Variants in NRK observed in about 807,000 individuals in gnomAD.
The protein encoded by NRK is nik-related protein kinase.
Under a neutral mutation model 125.2 loss-of-function variants are expected in NRK, and 67 were observed. The observed-to-expected ratio is 0.54, with a 90% confidence interval of 0.44 to 0.66. NRK has a LOEUF of 0.66. NRK is among the 30% of genes least tolerant of loss of function. NRK has a pLI of 0.00. For synonymous variants in NRK, 458 were observed against 429.0 expected (o/e 1.07, Z -0.84); for missense variants, 1,224 against 1,192.9 (o/e 1.03, Z -0.38).
intron 18 of NRK, among the ~76,000 whole-genome samples, chrX:105,923,878 T>C (rs1218569347): frequency 2.4e-5 from 2 of 82,661 alleles, no homozygotes; most frequent in Admixed American, 3.0e-4. Flanking sequence ...TTTCTCAAAC[T>C]TTTGTGATAT....
Position 105,822,641 on chromosome X carries a change from G to C in NRK, c.-205G>C. 1 of 461,659 alleles carries C rather than the reference G, an allele frequency of 2.2e-6. No individual in the cohort carries two copies. 38.0% of individuals were successfully genotyped at this position (461,659 alleles called of 1,213,427 possible). A position where few individuals can be genotyped will look rare whatever the true frequency, so the allele number is the denominator to read the frequency against. On this transcript the variant is annotated 5_prime_UTR_variant, in exon 1 of 29. Transcript: ENST00000243300. ...TTAGCCCAACTTGCTTTCCCGCCTC[G>C]CAAACTCCGGTTTCCCTCCACTCCC... is the stretch of plus-strand genomic sequence containing the variant.
chrX:105,946,067 T>C, intron 25 of NRK, 52 bp downstream of exon 25: 2 of 1,099,834 alleles, frequency 1.8e-6, no homozygotes, highest in South Asian at 2.0e-5. Flanking sequence ...AAGGCTCTTA[T>C]GATCATTGCC....
chrX:105,831,179 G>A (rs2039186946), intron 2 of NRK, 60 bp downstream of exon 2: 1 of 715,492 alleles, frequency 1.4e-6, no homozygotes, highest in African/African-American at 2.1e-5. Context: ...AAGATTGTGA[G>A]TCAGACACTG....
At chrX:105,873,949 A>G (rs1045529539) in intron 2 of NRK, among the ~76,000 whole-genome samples, 3 of 112,335 alleles carry the variant, frequency 2.7e-5, no homozygotes, top group Non-Finnish European at 5.6e-5. Flanking sequence ...AAGGACTTTT[A>G]TGTTTCACCT....
intron 7 of NRK, among the ~76,000 whole-genome samples, chrX:105,896,883 A>C (rs1317068045): frequency 8.9e-6 from 1 of 111,861 alleles, no homozygotes; most frequent in African/African-American, 3.3e-5. Context: ...TAAAAAATAC[A>C]TGAAGGGCAT....
At chrX:105,950,578 G>GGA (rs749205930) in intron 27 of NRK, among the ~76,000 whole-genome samples, 4 of 89,876 alleles carry the variant, frequency 4.5e-5, no homozygotes, top group African/African-American at 1.2e-4. Context: ...GTGTGTGTGT[G>GGA]GAGAGAGAGA....
At chrX:105,885,894 C>T (rs1437184178) in intron 4 of NRK, among the ~76,000 whole-genome samples, 1 of 111,899 alleles carries the variant, frequency 8.9e-6, no homozygotes, top group East Asian at 2.8e-4. Context: ...GTCCCACTAA[C>T]ATTCCATGAA....
chrX:105,838,236 A>AT (rs1231039630), intron 2 of NRK, among the ~76,000 whole-genome samples: 7 of 111,558 alleles, frequency 6.3e-5, no homozygotes. Context: ...AAATAAAATT[A>AT]TTTTTAACAT....
In NRK at chrX:105,930,263, T is replaced by C. The variant is rs1046177379; in HGVS notation, c.3313-3995T>C. Among the ~76,000 whole-genome samples, 3 of 111,104 alleles carry C rather than the reference T, an allele frequency of 2.7e-5. No individual in the cohort carries two copies. The Admixed American group carries it at 2.9e-4, about 11-fold the overall frequency. On this transcript the variant is annotated intron_variant, in intron 19 of 28. Transcript: ENST00000243300. ...TTCTATAGGCTCTCTTTATTCTTTT[T>C]TTTTCTCTTTTTTCTTTTCTGCCTG...
At chrX:105,936,757 T>C (rs1408668949) in intron 21 of NRK, among the ~76,000 whole-genome samples, 2 of 111,644 alleles carry the variant, frequency 1.8e-5, no homozygotes, top group African/African-American at 3.3e-5. Context: ...ACAGTGCTTA[T>C]ATTTGAACAA....
At chrX:105,857,402 A>G (rs987960733) in intron 2 of NRK, among the ~76,000 whole-genome samples, 2 of 111,488 alleles carry the variant, frequency 1.8e-5, no homozygotes, top group Non-Finnish European at 3.8e-5. Flanking sequence ...CATTGCTGAG[A>G]TCGAGGTGAG....
chrX:105,952,241 C>G (rs1182716228), intron 27 of NRK, among the ~76,000 whole-genome samples: 1 of 111,571 alleles, frequency 9.0e-6, no homozygotes, highest in Non-Finnish European at 1.9e-5. Flanking sequence ...TTTTAAATGT[C>G]AGGATTTTAT....
At chrX:105,907,391 A>G (rs979252462) in intron 11 of NRK, 1 of 112,098 alleles carries the variant, frequency 8.9e-6, no homozygotes, top group Non-Finnish European at 1.9e-5. Context: ...GGAATGTAAA[A>G]GGGAAAACTT....
chrX:105,875,304 C>T (rs2039799665), intron 2 of NRK, among the ~76,000 whole-genome samples: 1 of 111,463 alleles, frequency 9.0e-6, no homozygotes, highest in South Asian at 3.7e-4. Flanking sequence ...GGTTTCCCTG[C>T]TCTCCATTCC....
At chrX:105,898,197 A>C (rs1257362791) in intron 7 of NRK, among the ~76,000 whole-genome samples, 1 of 112,103 alleles carries the variant, frequency 8.9e-6, no homozygotes, top group Non-Finnish European at 1.9e-5. Flanking sequence ...CTTCCTGATC[A>C]ACTGCTAATA....
Position 105,939,896 on chromosome X carries a change from G to A in NRK, c.3822G>A (p.Val1274=). 1 of 1,183,198 alleles carries A rather than the reference G, an allele frequency of 8.5e-7. No individual in the cohort carries two copies. The highest frequency in any genetic ancestry group is 1.1e-6 in the Non-Finnish European group (1 of 871,974). ...CAGGTCATAAGAACAGACTTCGGGT[G>A]TATCATCTGACCTGGTTGAGGAACA... ...TISGHKNRLR[V]YHLTWLRNKI... Residue 1274 remains valine, a synonymous_variant, in exon 23 of 29, where the codon GTG becomes GTA. Transcript: ENST00000243300.
At position 105,914,714 on chromosome X, in the gene NRK, G is replaced by A. The variant is rs209093; in HGVS notation, c.2350-1016G>A. On this transcript the variant is annotated intron_variant, in intron 14 of 28. Coordinates refer to ENST00000243300, the MANE Select transcript of NRK (RefSeq NM_198465.4). ...ACTTACCCTCACCTACTTGTCTCTC[G>A]GAGTGTAGAGAGAGCCTTGATAAGC... Among the ~76,000 whole-genome samples the A allele has an allele frequency of 3.5e-3, 374 of 107,914 alleles. 1 individual carries two copies. Among genetic ancestry groups the A allele is most frequent in the African/African-American group, 0.012 (346 of 29,762 alleles). The allele number at this position is 107,914 out of a possible 115,157, so 93.7% of individuals were successfully genotyped here.
intron 13 of NRK, among the ~76,000 whole-genome samples, chrX:105,911,372 C>A (rs1332804084): frequency 9.0e-6 from 1 of 111,506 alleles, no homozygotes; most frequent in Non-Finnish European, 1.9e-5. Context: ...TTCTAATACT[C>A]CCCACATCCA....
chrX:105,905,148 C>T (rs1461219808), intron 9 of NRK, 117 bp from the exon 10 acceptor site: 1 of 511,682 alleles, frequency 2.0e-6, no homozygotes, highest in Non-Finnish European at 3.4e-6. Flanking sequence ...CTATTTGTCC[C>T]TTAGTGTCTA....
Sources: allele counts gnomAD v4.1 joint callset (sites outside exome capture counted in the v4.1 genomes callset), GRCh38; gene constraint gnomAD v4.1.1; transcripts MANE v1.5; gene names NCBI Gene and HGNC (gene_info 2026-07-23, HGNC 2026-07-21).